Variants in SLC67A2 observed in about 807,000 individuals in gnomAD.
SLC67A2 encodes the protein solute carrier family 67 member A2.
At chr2:102,717,039 T>TC in the SLC67A2 span, 7 of 152,184 alleles carry the variant, frequency 4.6e-5, no homozygotes, top group African/African-American at 7.2e-5. Flanking sequence ...AGGAAATGAT[T>TC]CTTTTTTTTT....
the SLC67A2 span, chr2:102,719,036 A>G: frequency 6.2e-7 from 1 of 1,614,238 alleles, no homozygotes; most frequent in Non-Finnish European, 8.5e-7. Context: ...GGCCAACACT[A>G]CTTCGACCCA....
chr2:102,731,981 T>C, the SLC67A2 span: 9 of 388,568 alleles, frequency 2.3e-5, no homozygotes, highest in Non-Finnish European at 4.1e-5. Flanking sequence ...GTCTCTCACA[T>C]TAGGTTAAGG....
At chr2:102,730,253 T>C in the SLC67A2 span, among the ~76,000 whole-genome samples, 1 of 152,180 alleles carries the variant, frequency 6.6e-6, no homozygotes, top group Non-Finnish European at 1.5e-5. Context: ...CCTTCCTATG[T>C]TGCCCAGGCT....
At chr2:102,733,354 T>A in the SLC67A2 span, among the ~76,000 whole-genome samples, 1 of 152,330 alleles carries the variant, frequency 6.6e-6, no homozygotes, top group South Asian at 2.1e-4. Context: ...TCGCATGAAA[T>A]ATGTATTTTC....
At chr2:102,733,197 ACTTTT>A in the SLC67A2 span, among the ~76,000 whole-genome samples, 1 of 152,184 alleles carries the variant, frequency 6.6e-6, no homozygotes, top group African/African-American at 2.4e-5. Flanking sequence ...CAGACTGTTA[ACTTTT>A]CTTTTAATTT....
At chr2:102,736,779 G>A in the SLC67A2 span, 1 of 1,613,288 alleles carries the variant, frequency 6.2e-7, no homozygotes, top group East Asian at 2.2e-5. Context: ...CCTCGGGGCC[G>A]AGTTCATGTC....
At chr2:102,732,198 G>A in the SLC67A2 span, 2 of 871,676 alleles carry the variant, frequency 2.3e-6, no homozygotes, top group Non-Finnish European at 3.9e-6. Context: ...CTGGAAATTT[G>A]TTTTATCTCA....
the SLC67A2 span, chr2:102,716,084 G>C: frequency 2.6e-5 from 4 of 152,166 alleles, no homozygotes; most frequent in Middle Eastern, 3.2e-3. Flanking sequence ...GGAGTCATGA[G>C]AAAAGGTGCA....
the SLC67A2 span, chr2:102,731,027 C>G: frequency 6.2e-7 from 1 of 1,613,724 alleles, no homozygotes; most frequent in Non-Finnish European, 8.5e-7. Context: ...TAACTTACCA[C>G]CAATGTGCTA....
At chr2:102,736,662 T>A in the SLC67A2 span, 5 of 1,613,734 alleles carry the variant, frequency 3.1e-6, no homozygotes, top group African/African-American at 6.7e-5. Context: ...GCCCACCAAG[T>A]AGAGACAGAG....
the SLC67A2 span, among the ~76,000 whole-genome samples, chr2:102,734,196 C>A: frequency 6.6e-6 from 1 of 152,156 alleles, no homozygotes; most frequent in African/African-American, 2.4e-5. Context: ...AGTTTCAAGA[C>A]TCTTTTCAGG....
At chr2:102,722,519 A>C in the SLC67A2 span, among the ~76,000 whole-genome samples, 2 of 152,254 alleles carry the variant, frequency 1.3e-5, no homozygotes, top group South Asian at 4.1e-4. Context: ...TAAATACATT[A>C]AAAATAAAAT....
At chr2:102,727,747 C>T in the SLC67A2 span, among the ~76,000 whole-genome samples, 2 of 152,130 alleles carry the variant, frequency 1.3e-5, no homozygotes, top group African/African-American at 4.8e-5. Flanking sequence ...TGACCAATTA[C>T]TCTCTGGAAA....
At chr2:102,721,265 T>C in the SLC67A2 span, among the ~76,000 whole-genome samples, 1 of 152,214 alleles carries the variant, frequency 6.6e-6, no homozygotes, top group African/African-American at 2.4e-5. Flanking sequence ...CCTTTATATG[T>C]GAAGATACCT....
At chr2:102,717,813 T>C in the SLC67A2 span, 5 of 152,640 alleles carry the variant, frequency 3.3e-5, no homozygotes, top group African/African-American at 9.6e-5. Context: ...ACGGATTTCT[T>C]GGCCCCACCC....
At chr2:102,736,584 G>A in the SLC67A2 span, 3 of 1,612,940 alleles carry the variant, frequency 1.9e-6, no homozygotes. Flanking sequence ...TCCAAGAACC[G>A]CCTGGGTCCC....
At chr2:102,732,056 G>T in the SLC67A2 span, 1 of 590,822 alleles carries the variant, frequency 1.7e-6, no homozygotes, top group East Asian at 3.9e-5. Context: ...CCTTGCAGAG[G>T]CTCCATAAGT....
chr2:102,736,674 A>G, the SLC67A2 span: 3 of 1,613,914 alleles, frequency 1.9e-6, 1 homozygote, highest in South Asian at 3.3e-5. Context: ...GAGACAGAGC[A>G]GGAAGCGGCG....
chr2:102,731,503 A>C, the SLC67A2 span, among the ~76,000 whole-genome samples: 1 of 152,192 alleles, frequency 6.6e-6, no homozygotes, highest in South Asian at 2.1e-4. Context: ...TGGTTTTATA[A>C]AATGATTTAT....
Sources: gnomAD v4.1 joint callset for allele counts (sites outside exome capture counted in the v4.1 genomes callset) on GRCh38, gnomAD v4.1.1 for gene constraint, MANE v1.5 for transcripts, NCBI Gene and HGNC (gene_info 2026-07-23, HGNC 2026-07-21) for gene names.